The following PLG variants were observed in gnomAD, a reference collection of about 807,000 sequenced individuals.
PLG encodes plasminogen.
Under a neutral mutation model 104.4 loss-of-function variants are expected in PLG, and 41 were observed. The ratio of observed to expected loss-of-function variants is 0.39; its 90% confidence interval spans 0.31 to 0.51. The LOEUF (loss-of-function observed/expected upper bound fraction) is 0.51, where lower values mean the gene tolerates loss of function less well. Among genes scored for constraint, PLG ranks in the 20% least tolerant of loss-of-function variants. The pLI, the probability that PLG is intolerant of heterozygous loss-of-function variation, is 0.76. For missense variants in PLG, 891 were observed against 1,003.6 expected (o/e 0.89, Z 1.52); for synonymous variants, 337 against 357.1 (o/e 0.94, Z 0.63).
intron 10 of PLG, among the ~76,000 whole-genome samples, chr6:160,730,074 C>T (rs1455319873): frequency 6.6e-6 from 1 of 152,170 alleles, no homozygotes; most frequent in Non-Finnish European, 1.5e-5. Context: ...TCTCAGACAG[C>T]CACAGGTCAT....
rs1778419721 is a variant in PLG at position 160,752,489 on chromosome 6, A to G, written c.2271+229A>G. 2.0e-5 allele frequency among the ~76,000 whole-genome samples: 3 copies of G among 152,200 alleles called. No homozygotes were observed. The highest frequency in any genetic ancestry group is 2.9e-5 in the Non-Finnish European group (2 of 68,046). Reference sequence around the variant, plus strand: ...CAGTAGCAAGCGAGTTTTAAGTGCCATAACTACCTCAGGCCACTCACCCTC... The same window carrying G: ...CAGTAGCAAGCGAGTTTTAAGTGCCGTAACTACCTCAGGCCACTCACCCTC... On this transcript the variant is annotated intron_variant, in intron 18 of 18. Coordinates refer to ENST00000308192, the MANE Select transcript of PLG (RefSeq NM_000301.5). The surrounding 1 kb of genome is among the most constrained non-coding windows in gnomAD (Gnocchi z 4.7).
rs755323263 is a variant in PLG at position 160,741,383 on chromosome 6, C to A, written c.2091C>A (p.Thr697=). Residue 697 remains threonine, a synonymous_variant, in exon 17 of 19, where the codon ACC becomes ACA. Transcript: ENST00000308192. This position sits in a 1 kb window ranked among gnomAD's most constrained non-coding sequence, Gnocchi z 4.7. ...CAAATTATGTGGTCGCTGACCGGAC[C>A]GAATGTTTCATCACTGGCTGGGGAG... The part of the protein sequence containing the change: ...PSPNYVVADR[T]ECFITGWGET... 5 of 1,612,966 alleles carry A rather than the reference C, an allele frequency of 3.1e-6. No individual in the cohort carries two copies. The Admixed American group carries it at 6.7e-5, about 21-fold the overall frequency.
chr6:160,705,043 T>A (rs558411909), intron 1 of PLG, among the ~76,000 whole-genome samples: 1 of 152,264 alleles, frequency 6.6e-6, no homozygotes, highest in Non-Finnish European at 1.5e-5. Flanking sequence ...CCTCCACTGC[T>A]CTCCTAGTCA....
Position 160,736,737 on chromosome 6 carries a change from C to T in PLG, c.1682-150C>T. 1.0e-6 allele frequency: 1 copy of T among 1,001,136 alleles called. No homozygotes were observed. The highest frequency in any genetic ancestry group is 1.5e-6 in the Non-Finnish European group (1 of 663,962). The allele number at this position is 1,001,136 out of a possible 1,614,324, so 62.0% of individuals were successfully genotyped here. The stretch of plus-strand genomic sequence containing the variant: ...GTGTTGTCTACTACCACTTTTGAAA[C>T]TTAGAGAAAATGTTCCAAAAGATGA... On this transcript the variant is annotated intron_variant, in intron 13 of 18. Transcript: ENST00000308192. The surrounding 1 kb of genome is among the most constrained non-coding windows in gnomAD (Gnocchi z 5.2).
chr6:160,709,703 C>T (rs1248738289), intron 3 of PLG, among the ~76,000 whole-genome samples: 1 of 152,184 alleles, frequency 6.6e-6, no homozygotes, highest in Non-Finnish European at 1.5e-5. Context: ...TCACAAAGTA[C>T]CTTGAGTTTA....
rs1036874215 is a variant in PLG, at chr6:160,736,793, T to G, written c.1682-94T>G. 1.8e-5 allele frequency: 27 copies of G among 1,512,094 alleles called. No individual in the cohort carries two copies. In the African/African-American group the frequency reaches 3.3e-4, roughly 18 times the overall value. 93.7% of individuals were successfully genotyped at this position (1,512,094 alleles called of 1,614,324 possible). A position where few individuals can be genotyped will look rare whatever the true frequency, so the allele number is the denominator to read the frequency against. On this transcript the variant is annotated intron_variant, in intron 13 of 18. Transcript: ENST00000308192. The surrounding 1 kb of genome is among the most constrained non-coding windows in gnomAD (Gnocchi z 5.2). Reference sequence around the variant, plus strand: ...TTACTATTTAGTTCGGCCTTTAAGATGTCAAAAACTCAGTGCTTGGAATTT... The same window carrying G: ...TTACTATTTAGTTCGGCCTTTAAGAGGTCAAAAACTCAGTGCTTGGAATTT...
At position 160,744,012 on chromosome 6, in the gene PLG, C is replaced by G. The variant is rs552051660; in HGVS notation, c.2125+2595C>G. Among the ~76,000 whole-genome samples, 1 of 152,170 alleles carries G rather than the reference C, an allele frequency of 6.6e-6. No individual in the cohort carries two copies. The highest frequency in any genetic ancestry group is 2.4e-5 in the African/African-American group (1 of 41,444). On this transcript the variant is annotated intron_variant, in intron 17 of 18. Coordinates refer to ENST00000308192, the MANE Select transcript of PLG (RefSeq NM_000301.5). The surrounding 1 kb of genome is among the most constrained non-coding windows in gnomAD (Gnocchi z 4.5). ...GCTTACATTCTGGGGATAAAGCCTA[C>G]TTGATCACGATGGATTGGCTTTTTT...
intron 7 of PLG, 137 bp from the exon 8 acceptor site, chr6:160,718,157 C>G (rs909901409): frequency 5.4e-6 from 4 of 736,508 alleles, no homozygotes; most frequent in Non-Finnish European, 9.6e-6. Flanking sequence ...GAGGCTGAGG[C>G]AGGAGAATGA....
intron 12 of PLG, among the ~76,000 whole-genome samples, chr6:160,733,685 G>C (rs1972748): frequency 0.34 from 50,123 of 148,692 alleles, 9,360 homozygotes; most frequent in African/African-American, 0.5. Context: ...ACTGAAAATA[G>C]AAAAAAAAAT....
At chr6:160,702,231 C>T (rs532887563), upstream of PLG, 524 of 1,554,292 alleles carry the variant, frequency 3.4e-4, 2 homozygotes, top group East Asian at 2.4e-3. Flanking sequence ...TTTGTGGATG[C>T]GTTTACTCTC....
At position 160,718,408 on chromosome 6, in the gene PLG, C is replaced by T; in HGVS notation, c.902C>T (p.Ala301Val). 1 of 1,613,722 alleles carries T rather than the reference C, an allele frequency of 6.2e-7. No homozygotes were observed. Among genetic ancestry groups the T allele is most frequent in the Non-Finnish European group, 8.5e-7 (1 of 1,179,592 alleles). ...VSGHTCQHWS[A>V]QTPHTHNRTP... ...GGGCACACCTGTCAGCACTGGAGTG[C>T]ACAGACCCCTCACACACATAACAGG... The change falls in exon 8 of 19, where the codon GCA becomes GTA. Residue 301 changes from alanine to valine, a missense_variant. Ala to Val is a moderately conservative substitution (Grantham distance 64, BLOSUM62 0). Transcript: ENST00000308192.
At chr6:160,747,096 T>A (rs1200113845) in intron 17 of PLG, among the ~76,000 whole-genome samples, 6 of 152,312 alleles carry the variant, frequency 3.9e-5, no homozygotes, top group Non-Finnish European at 5.9e-5. Flanking sequence ...TGTAAAACAA[T>A]AACAACAAAA....
rs1777907013 is a variant in PLG at position 160,725,391 on chromosome 6, G to C, written c.1256+2824G>C. 6.6e-6 allele frequency among the ~76,000 whole-genome samples: 1 copy of C among 152,042 alleles called. No homozygotes were observed. The highest frequency in any genetic ancestry group is 6.5e-5 in the Admixed American group (1 of 15,270). ...CTAAGTTTCTTGCATTATCCATGAA[G>C]TTATATAATACACATGGTTGAAGGT... On this transcript the variant is annotated intron_variant, in intron 10 of 18. Transcript: ENST00000308192. The surrounding 1 kb of genome is among the most constrained non-coding windows in gnomAD (Gnocchi z 6.3).
chr6:160,713,342 C>T (rs535370690), intron 5 of PLG: 1 of 506,988 alleles, frequency 2.0e-6, no homozygotes, highest in Admixed American at 3.0e-5. Flanking sequence ...GCAATCTCGG[C>T]TCACCACAAC....
chr6:160,715,697 T>A (rs552357619), intron 6 of PLG, among the ~76,000 whole-genome samples: 1 of 152,176 alleles, frequency 6.6e-6, no homozygotes, highest in Non-Finnish European at 1.5e-5. Flanking sequence ...GATTCCACGG[T>A]GGAAAGCAGC....
In PLG at chr6:160,740,922, C is replaced by T. The variant is rs1346362160; in HGVS notation, c.2019-389C>T. 1.3e-5 allele frequency among the ~76,000 whole-genome samples: 2 copies of T among 152,194 alleles called. No homozygotes were observed. Among genetic ancestry groups the T allele is most frequent in the African/African-American group, 4.8e-5 (2 of 41,438 alleles). The stretch of plus-strand genomic sequence containing the variant: ...CAACACATTTGCAATTTTACAGCCT[C>T]TTGGTGGCATCTCAGTCAGACATTC... On this transcript the variant is annotated intron_variant, in intron 16 of 18. Coordinates refer to ENST00000308192, the MANE Select transcript of PLG (RefSeq NM_000301.5). This position sits in a 1 kb window ranked among gnomAD's most constrained non-coding sequence, Gnocchi z 5.2.
chr6:160,712,864 C>T, intron 4 of PLG, 122 bp from the exon 5 acceptor site: 1 of 794,020 alleles, frequency 1.3e-6, no homozygotes. Flanking sequence ...TGCTGCAGCA[C>T]CCAGCTGAAA....
rs1488111119 is a variant in PLG, at chr6:160,723,708, G to A, written c.1256+1141G>A. Among the ~76,000 whole-genome samples, 1 of 152,138 alleles carries A rather than the reference G, an allele frequency of 6.6e-6. No individual in the cohort carries two copies. The highest frequency in any genetic ancestry group is 1.9e-4 in the East Asian group (1 of 5,192). The stretch of plus-strand genomic sequence containing the variant: ...TATGCACAGGGAGAGGTTCCAGAGA[G>A]AAAATAGGATAAAGAACAGCTACTG... On this transcript the variant is annotated intron_variant, in intron 10 of 18. Coordinates refer to ENST00000308192, the MANE Select transcript of PLG (RefSeq NM_000301.5). The surrounding 1 kb of genome is among the most constrained non-coding windows in gnomAD (Gnocchi z 4.7).
At chr6:160,715,342 A>G (rs1777711352) in intron 6 of PLG, among the ~76,000 whole-genome samples, 2 of 152,138 alleles carry the variant, frequency 1.3e-5, no homozygotes, top group African/African-American at 4.8e-5. Context: ...CCTTTGTACC[A>G]ATGAGATTCA....
Sources: allele counts gnomAD v4.1 joint callset (sites outside exome capture counted in the v4.1 genomes callset), GRCh38; gene constraint gnomAD v4.1.1; non-coding constraint Gnocchi (gnomAD v3.1); transcripts MANE v1.5; gene names NCBI Gene and HGNC (gene_info 2026-07-23, HGNC 2026-07-21).